TYSND1: variants seen among roughly 807,000 people sequenced by gnomAD.
TYSND1 encodes peroxisomal leader peptide-processing protease.
In TYSND1, 30 loss-of-function variants were observed where a neutral mutation model predicts 37.2. That is an observed-to-expected ratio of 0.81 (90% CI 0.60 to 1.09). The LOEUF is 1.09. Ranked by LOEUF, TYSND1 falls within the 50% of genes least tolerant of loss-of-function variation. TYSND1 has a pLI of 0.00. For synonymous variants in TYSND1, 364 were observed against 383.8 expected (o/e 0.95, Z 0.60); for missense variants, 806 against 817.4 (o/e 0.99, Z 0.17).
At position 70,146,061 on chromosome 10, in the gene TYSND1, C is replaced by T. The variant is rs780837680; in HGVS notation, c.526G>A (p.Ala176Thr). The change falls in exon 1 of 4, where the codon GCG becomes ACG. Residue 176 changes from alanine to threonine, a missense_variant. Around this residue, in one of 3 missense-constraint regions of TYSND1, gnomAD observed 708 missense variants for 705.4 expected, o/e 1.00. Coordinates refer to ENST00000287078, the MANE Select transcript of TYSND1 (RefSeq NM_173555.4). ...CAGCCCAGCGCTCTCAGTTGATCCG[C>T]CTCCTCGTCCTCCGACACTTCGTCA... ...RDDEVSEDEE[A>T]DQLRALGWFA... 1.8e-5 allele frequency: 29 copies of T among 1,592,610 alleles called. No homozygotes were observed. The Admixed American group carries it at 4.6e-4, about 25-fold the overall frequency.
Position 70,145,873 on chromosome 10 carries a change from C to G in TYSND1, c.714G>C (p.Leu238=). The change falls in exon 1 of 4, where the codon CTG becomes CTC. Residue 238 remains leucine (L), a synonymous_variant. Coordinates refer to ENST00000287078, the MANE Select transcript of TYSND1 (RefSeq NM_173555.4). The part of the protein sequence containing the change: ...AFCPDIFLNT[L]SCGVLSNVAG... ...CCACGTTGCTGAGCACCCCGCAGCTCAGCGTGTTGAGAAAGATGTCGGGGC... is the reference window on the plus strand; with the variant it reads ...CCACGTTGCTGAGCACCCCGCAGCTGAGCGTGTTGAGAAAGATGTCGGGGC... The G allele has an allele frequency of 6.5e-7, 1 of 1,546,308 alleles. No homozygotes were observed. Among genetic ancestry groups the G allele is most frequent in the Admixed American group, 2.0e-5 (1 of 50,854 alleles).
chr10:70,146,637 G>A lies in TYSND1; in HGVS notation c.-51C>T. On this transcript the variant is annotated 5_prime_UTR_variant, in exon 1 of 4. Coordinates refer to ENST00000287078, the MANE Select transcript of TYSND1 (RefSeq NM_173555.4). ...CTTCTCCGAGAAACAGCAAGCTAGC[G>A]AGCGAGGACCCCTACCCGGTCCGGC... The A allele has an allele frequency of 6.9e-7, 1 of 1,447,580 alleles. No homozygotes were observed. Among genetic ancestry groups the A allele is most frequent in the Non-Finnish European group, 9.1e-7 (1 of 1,104,284 alleles). 89.7% of individuals were successfully genotyped at this position (1,447,580 alleles called of 1,614,324 possible).
rs1045467747 is a variant in TYSND1, at chr10:70,144,864, G to A, written c.1166+557C>T. ...TGGAAAAGCCTGGGCTGCAAGGCTG[G>A]GCTGAACCATGTACAGCTGCGTGGG... On this transcript the variant is annotated intron_variant, in intron 1 of 3. Coordinates refer to ENST00000287078, the MANE Select transcript of TYSND1 (RefSeq NM_173555.4). The A allele has an allele frequency of 5.6e-6, 5 of 897,546 alleles. No individual in the cohort carries two copies. In the African/African-American group the frequency reaches 7.2e-5, roughly 13 times the overall value. 55.6% of individuals were successfully genotyped at this position (897,546 alleles called of 1,614,324 possible). A position where few individuals can be genotyped will look rare whatever the true frequency, so the allele number is the denominator to read the frequency against.
chr10:70,138,524 C>A lies in TYSND1; in HGVS notation c.*1400G>T, dbSNP rs1054993665. On this transcript the variant is annotated 3_prime_UTR_variant, in exon 4 of 4. Transcript: ENST00000287078. ...TTTCAGCCTGCCAGTAGAAATCACT[C>A]GAGGGCCCACACATGCAAGGCCCTG... The A allele has an allele frequency of 6.6e-6, 1 of 152,310 alleles. No homozygotes were observed. 9.4% of individuals were successfully genotyped at this position (152,310 alleles called of 1,614,324 possible).
chr10:70,146,318 G>C lies in TYSND1; in HGVS notation c.269C>G (p.Thr90Arg), dbSNP rs892408700. ...CGCGCCGCCCCCGGGACCCGCGGCC[G>C]TTGGGGCCCACTGCACGTGCAGGCG... The part of the protein sequence containing the change: ...DLRLHVQWAP[T>R]AAGPGGGAER... The change falls in exon 1 of 4, where the codon ACG (threonine) becomes AGG (arginine). Residue 90 changes from threonine (T) to arginine (R), a missense_variant. Thr to Arg is a moderately conservative substitution (Grantham distance 71). This residue lies in a region of TYSND1 where 708 missense variants were observed against 705.4 expected (regional missense o/e 1.00). Coordinates refer to ENST00000287078, the MANE Select transcript of TYSND1 (RefSeq NM_173555.4). 1.3e-6 allele frequency: 2 copies of C among 1,511,574 alleles called. No homozygotes were observed. Among genetic ancestry groups the C allele is most frequent in the African/African-American group, 2.9e-5 (2 of 69,996 alleles). The allele number at this position is 1,511,574 out of a possible 1,614,324, so 93.6% of individuals were successfully genotyped here. A position where few individuals can be genotyped will look rare whatever the true frequency, so the allele number is the denominator to read the frequency against.
Position 70,146,507 on chromosome 10 carries a change from G to A in TYSND1, c.80C>T (p.Pro27Leu), listed in dbSNP as rs1214908052. Residue 27 changes from proline to leucine, a missense_variant, in exon 1 of 4, where the codon CCC (proline) becomes CTC (leucine). Pro to Leu is a moderately conservative substitution (Grantham distance 98). Transcript: ENST00000287078. ...GCTGCAGCTCCACGGGCCCGCCTCG[G>A]GCTGTCCGGCCCGGGAGGCGCTCAC... ...CMVSASRAGQ[P>L]EAGPWSCSGV... 3.1e-6 allele frequency: 5 copies of A among 1,591,614 alleles called. No individual in the cohort carries two copies. In the African/African-American group the frequency reaches 4.0e-5, roughly 13 times the overall value.
chr10:70,146,377 G>C lies in TYSND1; in HGVS notation c.210C>G (p.Val70=). Residue 70 remains valine, a synonymous_variant, in exon 1 of 4, where the codon GTC becomes GTG. Transcript: ENST00000287078. Reference sequence around the variant, plus strand: ...CCCTGCAACTGTCGCCAGGCAGGAAGACGGCGCCGGCCGCGGTCAGGACTT... The same window carrying C: ...CCCTGCAACTGTCGCCAGGCAGGAACACGGCGCCGGCCGCGGTCAGGACTT... ...GSEVLTAAGA[V]FLPGDSCRDD... The C allele has an allele frequency of 3.2e-6, 5 of 1,567,352 alleles. No individual in the cohort carries two copies. The highest frequency in any genetic ancestry group is 4.3e-6 in the Non-Finnish European group (5 of 1,162,870).
At chr10:70,144,041 C>T in intron 1 of TYSND1, 69 bp from the exon 2 acceptor site, 1 of 1,593,468 alleles carries the variant, frequency 6.3e-7, no homozygotes, top group Non-Finnish European at 8.6e-7. Context: ...AATCAAGGAG[C>T]TGAGAGTGAC....
chr10:70,145,474 C>T lies in TYSND1; in HGVS notation c.1113G>A (p.Arg371=). The change falls in exon 1 of 4, where the codon CGG becomes CGA. Residue 371 remains arginine (R), a synonymous_variant. Transcript: ENST00000287078. ...AVAPRLVVTC[R]HVSPREAARV... Reference sequence around the variant, plus strand: ...TGGCTGCTTCCCGAGGGGACACGTGCCGACAGGTCACTACAAGGCGGGGTG... The same window carrying T: ...TGGCTGCTTCCCGAGGGGACACGTGTCGACAGGTCACTACAAGGCGGGGTG... 1 of 1,500,096 alleles carries T rather than the reference C, an allele frequency of 6.7e-7. No homozygotes were observed. Among genetic ancestry groups the T allele is most frequent in the Non-Finnish European group, 8.9e-7 (1 of 1,127,126 alleles). The allele number at this position is 1,500,096 out of a possible 1,614,324, so 92.9% of individuals were successfully genotyped here.
At chr10:70,143,783 C>T in intron 2 of TYSND1, 59 bp downstream of exon 2, 1 of 1,599,484 alleles carries the variant, frequency 6.3e-7, no homozygotes, top group African/African-American at 1.3e-5. Context: ...GATTCTCCTT[C>T]CTGAGGCCCA....
chr10:70,145,778 C>A lies in TYSND1; in HGVS notation c.809G>T (p.Arg270Leu), dbSNP rs751935785. The A allele has an allele frequency of 4.8e-6, 7 of 1,461,246 alleles. No individual in the cohort carries two copies. The South Asian group carries it at 9.7e-5, about 20-fold the overall frequency. 90.5% of individuals were successfully genotyped at this position (1,461,246 alleles called of 1,614,324 possible). A position where few individuals can be genotyped will look rare whatever the true frequency, so the allele number is the denominator to read the frequency against. The stretch of plus-strand genomic sequence containing the variant: ...CAGCGCCACCAGCGCCCCCGCGGGC[C>A]GCGCGGTGAACACGCCGCCGCCCTC... ...GTEGGGVFTA[R>L]PAGALVALVV... The change falls in exon 1 of 4, where the codon CGG becomes CTG. Residue 270 changes from arginine (R) to leucine (L), a missense_variant. This residue lies in a region of TYSND1 where 708 missense variants were observed against 705.4 expected (regional missense o/e 1.00). Coordinates refer to ENST00000287078, the MANE Select transcript of TYSND1 (RefSeq NM_173555.4).
At position 70,146,221 on chromosome 10, in the gene TYSND1, G is replaced by C; in HGVS notation, c.366C>G (p.Arg122=). ...SLEPGPPAPS[R]GRPLQPRLPA... ...GAAGCCGGGGCTGCAGGGGACGCCCGCGGGACGGGGCAGGTGGGCCGGGCT... is the reference window on the plus strand; with the variant it reads ...GAAGCCGGGGCTGCAGGGGACGCCCCCGGGACGGGGCAGGTGGGCCGGGCT... Residue 122 remains arginine, a synonymous_variant, in exon 1 of 4, where the codon CGC becomes CGG. Transcript: ENST00000287078. The C allele has an allele frequency of 6.6e-7, 1 of 1,508,986 alleles. No individual in the cohort carries two copies. The highest frequency in any genetic ancestry group is 8.8e-7 in the Non-Finnish European group (1 of 1,134,086). 93.5% of individuals were successfully genotyped at this position (1,508,986 alleles called of 1,614,324 possible).
In TYSND1 at chr10:70,143,893, C is replaced by T. The variant is rs756677620; in HGVS notation, c.1246G>A (p.Glu416Lys). The T allele has an allele frequency of 3.7e-6, 6 of 1,614,242 alleles. No homozygotes were observed. ...GGGATGGGGACATCATCCAGGTCCT[C>T]CTCCAGGCTCACCACTGCTATGTCA... ...PYDIAVVSLE[E>K]DLDDVPIPVP... The change falls in exon 2 of 4, where the codon GAG becomes AAG. Residue 416 changes from glutamate to lysine, a missense_variant. Around this residue, in one of 3 missense-constraint regions of TYSND1, gnomAD observed 708 missense variants for 705.4 expected, o/e 1.00. Coordinates refer to ENST00000287078, the MANE Select transcript of TYSND1 (RefSeq NM_173555.4).
At position 70,145,698 on chromosome 10, in the gene TYSND1, A is replaced by G. The variant is rs1451539186; in HGVS notation, c.889T>C (p.Cys297Arg). 4.3e-6 allele frequency: 6 copies of G among 1,399,900 alleles called. No homozygotes were observed. Among genetic ancestry groups the G allele is most frequent in the South Asian group, 1.6e-5 (1 of 63,460 alleles). The allele number at this position is 1,399,900 out of a possible 1,614,324, so 86.7% of individuals were successfully genotyped here. A position where few individuals can be genotyped will look rare whatever the true frequency, so the allele number is the denominator to read the frequency against. Residue 297 changes from cysteine (C) to arginine (R), a missense_variant, in exon 1 of 4, where the codon TGC becomes CGC. This residue lies in a region of TYSND1 where 708 missense variants were observed against 705.4 expected (regional missense o/e 1.00). Coordinates refer to ENST00000287078, the MANE Select transcript of TYSND1 (RefSeq NM_173555.4). ...AGEWVGFTLL[C>R]AAAPLFRAAR... The stretch of plus-strand genomic sequence containing the variant: ...GCGCGGAAAAGGGGGGCGGCGGCGC[A>G]GAGCAGCGTGAAGCCCACCCATTCG...
rs1363046464 is a variant in TYSND1 at position 70,145,572 on chromosome 10, A to C, written c.1015T>G (p.Ser339Ala). The C allele has an allele frequency of 4.0e-6, 6 of 1,482,070 alleles. No homozygotes were observed. The highest frequency in any genetic ancestry group is 2.8e-5 in the East Asian group (1 of 35,444). 91.8% of individuals were successfully genotyped at this position (1,482,070 alleles called of 1,614,324 possible). ...GCCGCGGCTGCCCACAGGGGCCCGG[A>C]GTCTCGGAGGGGCAGACCCCACGGG... Reference protein sequence around the residue: ...GVPWGLPLRDSGPLWAAAAVL... With the variant: ...GVPWGLPLRDAGPLWAAAAVL... Residue 339 changes from serine to alanine, a missense_variant, in exon 1 of 4, where the codon TCC becomes GCC. Physicochemically the swap from Ser to Ala is moderately conservative, Grantham distance 99. Coordinates refer to ENST00000287078, the MANE Select transcript of TYSND1 (RefSeq NM_173555.4).
Position 70,145,538 on chromosome 10 carries a change from A to T in TYSND1, c.1049T>A (p.Val350Glu), listed in dbSNP as rs758843926. The change falls in exon 1 of 4, where the codon GTG (valine) becomes GAG (glutamate). Residue 350 changes from valine (V) to glutamate (E), a missense_variant. By Grantham distance (121) the Val-to-Glu change is moderately radical (BLOSUM62 -2). Coordinates refer to ENST00000287078, the MANE Select transcript of TYSND1 (RefSeq NM_173555.4). ...GGAGCCCCATACGGTGCCGCACTCC[A>T]CCAACACTGCCGCGGCTGCCCACAG... is the stretch of plus-strand genomic sequence containing the variant. ...GPLWAAAAVL[V>E]ECGTVWGSGV... The T allele has an allele frequency of 6.6e-7, 1 of 1,511,504 alleles. No individual in the cohort carries two copies. Among genetic ancestry groups the T allele is most frequent in the East Asian group, 2.7e-5 (1 of 36,726 alleles). 93.6% of individuals were successfully genotyped at this position (1,511,504 alleles called of 1,614,324 possible). A position where few individuals can be genotyped will look rare whatever the true frequency, so the allele number is the denominator to read the frequency against.
At chr10:70,144,131 G>GT (rs2072835407) in intron 1 of TYSND1, 159 bp from the exon 2 acceptor site, 5 of 856,094 alleles carry the variant, frequency 5.8e-6, no homozygotes, top group African/African-American at 1.7e-5. Context: ...CCATTCTGTG[G>GT]TATCTCCAAA....
In TYSND1 at chr10:70,144,600, C is replaced by T. The variant is rs965376762; in HGVS notation, c.1167-628G>A. On this transcript the variant is annotated intron_variant, in intron 1 of 3. Coordinates refer to ENST00000287078, the MANE Select transcript of TYSND1 (RefSeq NM_173555.4). ...TGACTTGCCCGGGATCAGACAGGGG[C>T]GTCCTACTACACACTCTGCAGGGGT... 1.2e-5 allele frequency: 12 copies of T among 986,538 alleles called. No individual in the cohort carries two copies. The African/African-American group carries it at 1.2e-4, about 10-fold the overall frequency. 61.1% of individuals were successfully genotyped at this position (986,538 alleles called of 1,614,324 possible).
chr10:70,141,830 C>T (rs904800560), intron 3 of TYSND1, among the ~76,000 whole-genome samples: 2 of 152,110 alleles, frequency 1.3e-5, no homozygotes, highest in Non-Finnish European at 2.9e-5. Flanking sequence ...TTGCCTCAGC[C>T]TCCGGAAGTG....
Sources: gnomAD v4.1 joint callset for allele counts (sites outside exome capture counted in the v4.1 genomes callset) on GRCh38, gnomAD v4.1.1 for gene constraint, gnomAD v4.1.1 regional missense constraint, MANE v1.5 for transcripts, NCBI Gene and HGNC (gene_info 2026-07-23, HGNC 2026-07-21) for gene names.